Variants in CPXM1 observed in about 807,000 individuals in gnomAD.
CPXM1 encodes probable carboxypeptidase X1.
CPXM1 carries 72 observed loss-of-function variants against 80.4 expected under a neutral mutation model. That is an observed-to-expected ratio of 0.90 (90% CI 0.74 to 1.09). The LOEUF is 1.09. CPXM1 is among the 50% of genes least tolerant of loss of function. The pLI, the probability that CPXM1 is intolerant of heterozygous loss-of-function variation, is 0.00. For missense variants in CPXM1, 892 were observed against 999.4 expected (o/e 0.89, Z 1.45); for synonymous variants, 403 against 405.6 (o/e 0.99, Z 0.08).
In CPXM1 at chr20:2,797,997, T is replaced by C; in HGVS notation, c.652A>G (p.Ser218Gly). 1.2e-6 allele frequency: 2 copies of C among 1,614,176 alleles called. No individual in the cohort carries two copies. The highest frequency in any genetic ancestry group is 8.5e-7 in the Non-Finnish European group (1 of 1,180,024). The change falls in exon 5 of 14, where the codon AGT becomes GGT. Residue 218 changes from serine to glycine, a missense_variant. Coordinates refer to ENST00000380605, the MANE Select transcript of CPXM1 (RefSeq NM_019609.5). ...TCCATCCCACTGCTGTGGTTCCTAC[T>C]TCCCCACCAGGTCCGACTGTCATTG... is the stretch of plus-strand genomic sequence containing the variant. ...FSNDSRTWWGSRNHSSGMDAV... is the reference protein window; with the variant it reads ...FSNDSRTWWGGRNHSSGMDAV...
intron 1 of CPXM1, 32 bp downstream of exon 1, chr20:2,800,369 C>CG: frequency 6.8e-7 from 1 of 1,479,336 alleles, no homozygotes; most frequent in Non-Finnish European, 8.9e-7. Context: ...AGTCGGCTTG[C>CG]GGGGGAGCGG....
chr20:2,795,895 A>G lies in CPXM1; in HGVS notation c.1424T>C (p.Val475Ala). Reference sequence around the variant, plus strand: ...GATTACTGCCCGCGTTTCAGGAGCCACCTGGATGGGGCAGGTCAGGAGGGG... The same window carrying G: ...GATTACTGCCCGCGTTTCAGGAGCCGCCTGGATGGGGCAGGTCAGGAGGGG... The part of the protein sequence containing the change: ...PTYYTLPNAT[V>A]APETRAVIKW... Residue 475 changes from valine to alanine, a missense_variant and splice_region_variant, in exon 11 of 14, where the codon GTG (valine) becomes GCG (alanine). Coordinates refer to ENST00000380605, the MANE Select transcript of CPXM1 (RefSeq NM_019609.5). The surrounding 1 kb of genome is among the most constrained non-coding windows in gnomAD (Gnocchi z 5.4). The G allele has an allele frequency of 6.2e-7, 1 of 1,609,310 alleles. No individual in the cohort carries two copies. Among genetic ancestry groups the G allele is most frequent in the Non-Finnish European group, 8.5e-7 (1 of 1,176,552 alleles).
chr20:2,797,436 T>A, intron 5 of CPXM1, 94 bp from the exon 6 acceptor site: 1 of 1,331,710 alleles, frequency 7.5e-7, no homozygotes, highest in Non-Finnish European at 9.9e-7. Context: ...GCTTACTGTC[T>A]CCCCACCCTA....
intron 6 of CPXM1, 46 bp downstream of exon 6, chr20:2,797,146 C>A (rs749234499): frequency 6.2e-7 from 1 of 1,610,468 alleles, no homozygotes; most frequent in Non-Finnish European, 8.5e-7. Flanking sequence ...GAAGGATGCA[C>A]CCTGCATCCA....
At position 2,795,497 on chromosome 20, in the gene CPXM1, A is replaced by T; in HGVS notation, c.1721-81T>A. 6.3e-7 allele frequency: 1 copy of T among 1,583,164 alleles called. No homozygotes were observed. The highest frequency in any genetic ancestry group is 8.6e-7 in the Non-Finnish European group (1 of 1,158,806). On this transcript the variant is annotated intron_variant, in intron 11 of 13. Transcript: ENST00000380605. This position sits in a 1 kb window ranked among gnomAD's most constrained non-coding sequence, Gnocchi z 5.4. ...CGCTACCCTCCCTTCTCTGAGGGAC[A>T]CTTCAGAGTGGGAACAGACGCCAGC...
intron 1 of CPXM1, 65 bp from the exon 2 acceptor site, chr20:2,798,958 T>G: frequency 6.5e-7 from 1 of 1,535,762 alleles, no homozygotes; most frequent in South Asian, 1.2e-5. Context: ...TGGAAAGGTC[T>G]GCCAGCCCAA....
Position 2,795,170 on chromosome 20 carries a change from A to C in CPXM1, c.1860+107T>G. ...CAAGCATGGCCCATGGCATCTTGTG[A>C]GTCTGAATGCTCAGCTGGACCTTAG... On this transcript the variant is annotated intron_variant, in intron 12 of 13. Transcript: ENST00000380605. This position sits in a 1 kb window ranked among gnomAD's most constrained non-coding sequence, Gnocchi z 5.4. The C allele has an allele frequency of 7.6e-7, 1 of 1,318,732 alleles. No individual in the cohort carries two copies. Among genetic ancestry groups the C allele is most frequent in the South Asian group, 1.4e-5 (1 of 73,192 alleles). The allele number at this position is 1,318,732 out of a possible 1,614,324, so 81.7% of individuals were successfully genotyped here. A position where few individuals can be genotyped will look rare whatever the true frequency, so the allele number is the denominator to read the frequency against.
rs1435590950 is a variant in CPXM1 at position 2,796,164 on chromosome 20, G to T, written c.1243-3C>A. 1 of 1,609,302 alleles carries T rather than the reference G, an allele frequency of 6.2e-7. No homozygotes were observed. Among genetic ancestry groups the T allele is most frequent in the South Asian group, 1.1e-5 (1 of 90,168 alleles). ...GCCCAGCCCACCAGCTCTGAACCCT[G>T]CCGGGCAAGAGGCTTGTTCAAGTCG... On this transcript the variant is annotated splice_region_variant and splice_polypyrimidine_tract_variant and intron_variant, in intron 9 of 13. Transcript: ENST00000380605. The surrounding 1 kb of genome is among the most constrained non-coding windows in gnomAD (Gnocchi z 6.8).
At chr20:2,797,378 AC>A in intron 5 of CPXM1, 36 bp from the exon 6 acceptor site, 1 of 1,443,736 alleles carries the variant, frequency 6.9e-7, no homozygotes, top group Non-Finnish European at 9.1e-7. Context: ...GGCTGCTCAA[AC>A]CCCAGAAGCC....
In CPXM1 at chr20:2,796,613, G is replaced by A. The variant is rs764232811; in HGVS notation, c.959C>T (p.Thr320Ile). The A allele has an allele frequency of 8.7e-6, 14 of 1,614,080 alleles. No homozygotes were observed. In the Admixed American group the frequency reaches 2.3e-4, roughly 27 times the overall value. The stretch of plus-strand genomic sequence containing the variant: ...GCTCTTCCCAATGCTGTAGATGCGG[G>A]TGATGTTGGGGCATTGCTCTTGTAC... ...KQVQEQCPNITRIYSIGKSYQ... is the reference protein window; with the variant it reads ...KQVQEQCPNIIRIYSIGKSYQ... Residue 320 changes from threonine to isoleucine, a missense_variant, in exon 8 of 14, where the codon ACC becomes ATC. Coordinates refer to ENST00000380605, the MANE Select transcript of CPXM1 (RefSeq NM_019609.5). The surrounding 1 kb of genome is among the most constrained non-coding windows in gnomAD (Gnocchi z 6.8).
At chr20:2,797,146 C>T (rs749234499) in intron 6 of CPXM1, 46 bp downstream of exon 6, 2 of 1,610,344 alleles carry the variant, frequency 1.2e-6, no homozygotes, top group African/African-American at 2.7e-5. Flanking sequence ...GAAGGATGCA[C>T]CCTGCATCCA....
Position 2,796,043 on chromosome 20 carries a change from G to C in CPXM1, c.1361C>G (p.Pro454Arg). The C allele has an allele frequency of 6.2e-7, 1 of 1,613,874 alleles. No individual in the cohort carries two copies. Residue 454 changes from proline to arginine, a missense_variant, in exon 10 of 14, where the codon CCC becomes CGC. Transcript: ENST00000380605. The surrounding 1 kb of genome is among the most constrained non-coding windows in gnomAD (Gnocchi z 6.8). The part of the protein sequence containing the change: ...LWEAQDDGKV[P>R]HIVPNHHLPL... ...CAGGTGATGGTTGGGGACGATGTGG[G>C]GCACCTTCCCATCGTCCTGTGCTTC...
Position 2,797,979 on chromosome 20 carries a change from C to T in CPXM1, c.670G>A (p.Gly224Arg), listed in dbSNP as rs2088527255. The change falls in exon 5 of 14, where the codon GGG becomes AGG. Residue 224 changes from glycine (G) to arginine (R), a missense_variant. Gly to Arg is a moderately radical substitution (Grantham distance 125). Coordinates refer to ENST00000380605, the MANE Select transcript of CPXM1 (RefSeq NM_019609.5). ...GTGGGACCACTCACTGCGTCCATCC[C>T]ACTGCTGTGGTTCCTACTTCCCCAC... is the stretch of plus-strand genomic sequence containing the variant. The part of the protein sequence containing the change: ...TWWGSRNHSS[G>R]MDAVFPANSD... The T allele has an allele frequency of 1.2e-6, 2 of 1,614,016 alleles. No individual in the cohort carries two copies. Among genetic ancestry groups the T allele is most frequent in the African/African-American group, 2.7e-5 (2 of 74,934 alleles).
At chr20:2,797,879 A>G (rs1364536012) in intron 5 of CPXM1, 89 bp downstream of exon 5, 7 of 1,211,128 alleles carry the variant, frequency 5.8e-6, no homozygotes, top group Non-Finnish European at 8.4e-6. Flanking sequence ...GCTGGCGTCT[A>G]TTCCTTGTCC....
At position 2,797,277 on chromosome 20, in the gene CPXM1, G is replaced by A. The variant is rs1317227045; in HGVS notation, c.747C>T (p.Ala249=). 3.2e-6 allele frequency: 5 copies of A among 1,567,486 alleles called. No individual in the cohort carries two copies. In the South Asian group the frequency reaches 5.8e-5, roughly 18 times the overall value. The change falls in exon 6 of 14, where the codon GCC becomes GCT. Residue 249 remains alanine (A), a synonymous_variant. Transcript: ENST00000380605. The stretch of plus-strand genomic sequence containing the variant: ...TCTGGGGCAGCAGGCGAATGAAGCG[G>A]GCCACCTGGGGCTCCGGCAGGAGGT... ...VLNLLPEPQV[A]RFIRLLPQTW... is the part of the protein sequence containing the mutation.
intron 5 of CPXM1, among the ~76,000 whole-genome samples, chr20:2,797,688 G>A (rs1456804352): frequency 6.6e-6 from 1 of 152,204 alleles, no homozygotes; most frequent in Admixed American, 6.5e-5. Flanking sequence ...GAAGTGATGT[G>A]GACCAGAGGC....
chr20:2,798,974 C>A (rs1265135667), intron 1 of CPXM1, 81 bp from the exon 2 acceptor site: 14 of 1,432,218 alleles, frequency 9.8e-6, no homozygotes, highest in Non-Finnish European at 1.3e-5. Flanking sequence ...CCCAAGAAGA[C>A]ATGTGAGCCC....
In CPXM1 at chr20:2,794,139, C is replaced by A; in HGVS notation, c.*51G>T. 1 of 1,549,052 alleles carries A rather than the reference C, an allele frequency of 6.5e-7. No homozygotes were observed. Among genetic ancestry groups the A allele is most frequent in the Non-Finnish European group, 8.7e-7 (1 of 1,148,730 alleles). Reference sequence around the variant, plus strand: ...TTGTCCCTCCCTCTCTACTCTTCCCCTTCCCGTCTTGACAGGTCCAGCCTG... The same window carrying A: ...TTGTCCCTCCCTCTCTACTCTTCCCATTCCCGTCTTGACAGGTCCAGCCTG... On this transcript the variant is annotated 3_prime_UTR_variant, in exon 14 of 14. Coordinates refer to ENST00000380605, the MANE Select transcript of CPXM1 (RefSeq NM_019609.5). This position sits in a 1 kb window ranked among gnomAD's most constrained non-coding sequence, Gnocchi z 5.2.
intron 5 of CPXM1, 146 bp from the exon 6 acceptor site, chr20:2,797,488 C>A: frequency 1.1e-6 from 1 of 917,692 alleles, no homozygotes; most frequent in Non-Finnish European, 1.6e-6. Context: ...CAAACACAGA[C>A]CCCGGCCCAC....
Sources: gnomAD v4.1 joint callset for allele counts (sites outside exome capture counted in the v4.1 genomes callset) on GRCh38, gnomAD v4.1.1 for gene constraint, Gnocchi (gnomAD v3.1) non-coding constraint, MANE v1.5 for transcripts, NCBI Gene and HGNC (gene_info 2026-07-23, HGNC 2026-07-21) for gene names.